Variants in PDE11A observed in about 807,000 individuals in gnomAD.
The protein encoded by PDE11A is phosphodiesterase 11A, also known as dual 3',5'-cyclic-AMP and -GMP phosphodiesterase 11A.
A neutral mutation model predicts 100.5 loss-of-function variants in PDE11A; 100 were observed. The observed-to-expected ratio is 1.00, with a 90% CI of 0.85 to 1.18. The LOEUF (loss-of-function observed/expected upper bound fraction) is 1.18, where lower values mean the gene tolerates loss of function less well. Among genes scored for constraint, PDE11A ranks in the 50% most tolerant of loss-of-function variants. PDE11A has a pLI of 0.00. For synonymous variants in PDE11A, 381 were observed against 420.8 expected, an observed-to-expected ratio of 0.91 and a Z score of 1.16; for missense variants, 1,141 against 1,152.6, an observed-to-expected ratio of 0.99 and a Z score of 0.15.
At chr2:177,673,636 T>C in intron 17 of PDE11A, among the ~76,000 whole-genome samples, 1 of 152,228 alleles carries the variant, frequency 6.6e-6, no homozygotes, top group East Asian at 1.9e-4. Context: ...AAGAGTTTGA[T>C]GCCGTGACTG....
At position 177,962,808 on chromosome 2, in the gene PDE11A, A is replaced by G. The variant is rs548413470; in HGVS notation, c.1071+51494T>C. 2.0e-5 allele frequency among the ~76,000 whole-genome samples: 3 copies of G among 151,064 alleles called. No individual in the cohort carries two copies. The East Asian group carries it at 5.8e-4, about 29-fold the overall frequency. On this transcript the variant is annotated intron_variant, in intron 2 of 19. Transcript: ENST00000286063. ...AGTGTGCATTATCATAAAAATGAAC[A>G]CAAGTAAACTCAGGGGGAGATAATA...
chr2:177,983,314 ATTTTAG>A (rs1475634650), intron 2 of PDE11A, among the ~76,000 whole-genome samples: 2 of 152,164 alleles, frequency 1.3e-5, no homozygotes, highest in African/African-American at 4.8e-5. Flanking sequence ...AAGAAACTTA[ATTTTAG>A]ATTCAGCCCC....
rs575916438 is a variant in PDE11A at position 177,736,460 on chromosome 2, G to A, written c.1789-8288C>T. On this transcript the variant is annotated intron_variant, in intron 10 of 19. Coordinates refer to ENST00000286063, the MANE Select transcript of PDE11A (RefSeq NM_016953.4). Reference sequence around the variant, plus strand: ...AATTGCTTAAACCCAGGAGGTGGAGGTTGCAGCGAGCACTGCACTCCAGCA... The same window carrying A: ...AATTGCTTAAACCCAGGAGGTGGAGATTGCAGCGAGCACTGCACTCCAGCA... 2.0e-5 allele frequency among the ~76,000 whole-genome samples: 3 copies of A among 151,914 alleles called. No homozygotes were observed. In the South Asian group the frequency reaches 6.3e-4, roughly 32 times the overall value.
chr2:178,091,047 A>C (rs2087416495), intron 2 of PDE11A, among the ~76,000 whole-genome samples: 1 of 152,148 alleles, frequency 6.6e-6, no homozygotes, highest in African/African-American at 2.4e-5. Flanking sequence ...TCTTCATAGA[A>C]GGTATATGCT....
intron 2 of PDE11A, among the ~76,000 whole-genome samples, chr2:177,932,637 A>G (rs2085221739): frequency 6.6e-6 from 1 of 152,198 alleles, no homozygotes; most frequent in South Asian, 2.1e-4. Flanking sequence ...AAAACCCTCA[A>G]GAAATTAGGC....
chr2:177,967,200 C>CT lies in PDE11A; in HGVS notation c.1071+47101dup, dbSNP rs34293348. On this transcript the variant is annotated intron_variant, in intron 2 of 19. Coordinates refer to ENST00000286063, the MANE Select transcript of PDE11A (RefSeq NM_016953.4). ...GGATTGGTGGTAATGTCTCCTTTGT[C>CT]TTTTTTTTTTTTTTTTTTTTTACTC... Among the ~76,000 whole-genome samples the CT allele has an allele frequency of 2.2e-3, 232 of 106,204 alleles. 4 individuals carry two copies. Among genetic ancestry groups the CT allele is most frequent in the South Asian group, 1.0e-2 (31 of 3,112 alleles). 69.7% of individuals were successfully genotyped at this position (106,204 alleles called of 152,430 possible).
At chr2:178,032,229 A>G (rs141064804) in intron 1 of PDE11A, among the ~76,000 whole-genome samples, 138 of 152,334 alleles carry the variant, frequency 9.1e-4, no homozygotes, top group African/African-American at 3.1e-3. Flanking sequence ...AAATTTCCAA[A>G]GACACTATAG....
At chr2:177,629,586 C>A (rs1339302901) in intron 19 of PDE11A, 24 bp from the exon 20 acceptor site, 23 of 1,610,238 alleles carry the variant, frequency 1.4e-5, no homozygotes, top group Admixed American at 3.3e-5. Flanking sequence ...AAACAAAACA[C>A]AGGTGGAGGA....
intron 5 of PDE11A, among the ~76,000 whole-genome samples, chr2:177,871,570 T>C (rs1050869948): frequency 2.1e-5 from 3 of 139,852 alleles, no homozygotes; most frequent in Non-Finnish European, 3.1e-5. Context: ...TTATTATTAT[T>C]ATTTTAAATC....
intron 2 of PDE11A, among the ~76,000 whole-genome samples, chr2:177,939,154 T>C (rs1410405404): frequency 6.6e-6 from 1 of 152,098 alleles, no homozygotes; most frequent in Non-Finnish European, 1.5e-5. Context: ...ATTGAAGAAA[T>C]CGGAGCTGGG....
At chr2:178,076,282 A>G (rs973013554), upstream of PDE11A, among the ~76,000 whole-genome samples, 2 of 152,202 alleles carry the variant, frequency 1.3e-5, no homozygotes. Flanking sequence ...TGTATTTTTC[A>G]AGAATGAGGA....
At chr2:177,931,206 C>G (rs1227588684) in intron 2 of PDE11A, among the ~76,000 whole-genome samples, 1 of 152,042 alleles carries the variant, frequency 6.6e-6, no homozygotes, top group Non-Finnish European at 1.5e-5. Context: ...CTCCACCTAT[C>G]TCTAATTTTC....
intron 2 of PDE11A, among the ~76,000 whole-genome samples, chr2:177,916,373 G>A (rs529432027): frequency 2.0e-5 from 3 of 152,264 alleles, no homozygotes; most frequent in South Asian, 2.1e-4. Context: ...GGTCTGTCAC[G>A]AATTCCCTCT....
chr2:177,963,336 C>T (rs986785911), intron 2 of PDE11A, among the ~76,000 whole-genome samples: 1 of 152,008 alleles, frequency 6.6e-6, no homozygotes, highest in African/African-American at 2.4e-5. Context: ...CTAGTGTAAC[C>T]CAGCATTCCA....
intron 18 of PDE11A, among the ~76,000 whole-genome samples, chr2:177,668,223 A>T (rs1367965834): frequency 6.6e-6 from 1 of 152,170 alleles, no homozygotes; most frequent in Non-Finnish European, 1.5e-5. Flanking sequence ...CAGTGCTGGC[A>T]ATTTACTCAT....
intron 19 of PDE11A, among the ~76,000 whole-genome samples, chr2:177,650,628 T>G (rs1192800257): frequency 6.6e-6 from 1 of 152,220 alleles, no homozygotes; most frequent in Non-Finnish European, 1.5e-5. Flanking sequence ...TAGATTTCCT[T>G]TTAAAATTTT....
intron 2 of PDE11A, among the ~76,000 whole-genome samples, chr2:177,940,329 T>G (rs556364771): frequency 6.6e-6 from 1 of 152,328 alleles, no homozygotes; most frequent in East Asian, 1.9e-4. Context: ...TATTTGTTGT[T>G]GGGTTATGTT....
rs1574383031 is a variant in PDE11A at position 178,071,593 on chromosome 2, C to T, written c.845G>A (p.Trp282Ter). 6.2e-7 allele frequency: 1 copy of T among 1,613,898 alleles called. No homozygotes were observed. Among genetic ancestry groups the T allele is most frequent in the Non-Finnish European group, 8.5e-7 (1 of 1,179,782 alleles). Residue 282 changes from tryptophan to a stop codon, truncating the protein, a stop_gained, in exon 1 of 20, where the codon TGG (tryptophan) becomes TAG (stop). Coordinates refer to ENST00000286063, the MANE Select transcript of PDE11A (RefSeq NM_016953.4). LOFTEE classifies it high-confidence loss of function. ...GACATAGCCAATGATACCTTTGCCC[C>T]AGGGGACCTGCACCTCATTTGAGTT... ...TENSNEVQVP[W>*]GKGIIGYVGE...
chr2:177,713,682 C>A (rs1259182334), intron 12 of PDE11A, among the ~76,000 whole-genome samples: 4 of 152,044 alleles, frequency 2.6e-5, no homozygotes, highest in Non-Finnish European at 5.9e-5. Flanking sequence ...CTGTATGGCA[C>A]CACTGCACTC....
Sources: gnomAD v4.1 joint callset for allele counts (sites outside exome capture counted in the v4.1 genomes callset) on GRCh38, gnomAD v4.1.1 for gene constraint, MANE v1.5 for transcripts, NCBI Gene and HGNC (gene_info 2026-07-23, HGNC 2026-07-21) for gene names.